Variants in TNNT3 observed in about 807,000 individuals in gnomAD.
TNNT3 encodes the protein troponin T, fast skeletal muscle.
A neutral mutation model predicts 54.2 loss-of-function variants in TNNT3; 36 were observed. That is an observed-to-expected ratio of 0.66 (90% confidence interval 0.51 to 0.88). The LOEUF is 0.88. TNNT3 is among the 40% of genes least tolerant of loss of function. The probability of loss-of-function intolerance (pLI) is 0.00; values close to 1 mark genes in which losing one functional copy is unlikely to be tolerated. For missense variants in TNNT3, 291 were observed against 331.6 expected (o/e 0.88, Z 0.95); for synonymous variants, 120 against 109.7 (o/e 1.09, Z -0.59).
At chr11:1,933,400 G>A (rs1009056330) in intron 9 of TNNT3, among the ~76,000 whole-genome samples, 3 of 152,062 alleles carry the variant, frequency 2.0e-5, no homozygotes, top group East Asian at 3.9e-4. Flanking sequence ...TCTCTGCCAG[G>A]CCCATGCAGG....
intron 15 of TNNT3, among the ~76,000 whole-genome samples, chr11:1,938,017 G>A (rs984838626): frequency 2.0e-5 from 3 of 152,194 alleles, no homozygotes; most frequent in African/African-American, 7.2e-5. Flanking sequence ...CTCCCGGCTC[G>A]TGGCCACATG....
chr11:1,929,039 C>T, intron 6 of TNNT3, 81 bp from the exon 7 acceptor site: 5 of 1,539,008 alleles, frequency 3.2e-6, no homozygotes, highest in Non-Finnish European at 4.5e-6. Context: ...TTGCCCGCCA[C>T]AGGCCCCTTG....
intron 5 of TNNT3, 76 bp from the exon 6 acceptor site, chr11:1,926,619 C>T: frequency 1.2e-6 from 2 of 1,610,734 alleles, no homozygotes; most frequent in Non-Finnish European, 1.7e-6. Flanking sequence ...GCCCGCCCTC[C>T]TCTCTGCGCT....
intron 4 of TNNT3, 144 bp downstream of exon 4, chr11:1,923,716 T>C (rs1359819357): frequency 1.5e-6 from 1 of 679,508 alleles, no homozygotes; most frequent in African/African-American, 1.8e-5. Context: ...TTCCTCATCA[T>C]TAGTCACTAA....
chr11:1,935,180 C>G (rs1265003098), intron 14 of TNNT3: 2 of 570,684 alleles, frequency 3.5e-6, no homozygotes, highest in Non-Finnish European at 6.3e-6. Flanking sequence ...TTGGTTACCC[C>G]TGCCAAAAGG....
intron 15 of TNNT3, among the ~76,000 whole-genome samples, chr11:1,937,534 G>A (rs1248195340): frequency 6.6e-6 from 1 of 152,180 alleles, no homozygotes; most frequent in East Asian, 1.9e-4. Context: ...CCTTGACACA[G>A]CTACTCGACC....
chr11:1,926,607 C>A (rs1005882967), intron 5 of TNNT3, 88 bp from the exon 6 acceptor site: 2 of 1,609,698 alleles, frequency 1.2e-6, no homozygotes, highest in Admixed American at 3.3e-5. Flanking sequence ...CGCCTCGGCC[C>A]TGCCCGCCCT....
intron 14 of TNNT3, 85 bp downstream of exon 14, chr11:1,935,004 T>A: frequency 7.6e-7 from 1 of 1,323,172 alleles, no homozygotes; most frequent in Non-Finnish European, 1.1e-6. Context: ...CCTACCAAAC[T>A]CTGGACCTGC....
chr11:1,930,412 C>G (rs991493571), intron 8 of TNNT3, among the ~76,000 whole-genome samples: 1 of 152,176 alleles, frequency 6.6e-6, no homozygotes, highest in Non-Finnish European at 1.5e-5. Flanking sequence ...ACACCTTGAC[C>G]GTGTCCAGAA....
Position 1,926,706 on chromosome 11 carries a change from G to A in TNNT3, c.79G>A (p.Glu27Lys). The A allele has an allele frequency of 6.2e-7, 1 of 1,613,336 alleles. No homozygotes were observed. Residue 27 changes from glutamate (E) to lysine (K), a missense_variant, in exon 6 of 16, where the codon GAA (glutamate) becomes AAA (lysine). Transcript: ENST00000278317. ...CGCTGCTTCTGCAGAGGAAGTTCAA[G>A]AAGGTACGCCGGCGCTCCCCCGCCT... ...EEAQEEEEVQ[E>K]DTAEEDAEEE...
At chr11:1,932,546 A>C in intron 9 of TNNT3, 32 bp downstream of exon 9, 1 of 1,611,080 alleles carries the variant, frequency 6.2e-7, no homozygotes, top group Non-Finnish European at 8.5e-7. Flanking sequence ...TAACATGTCC[A>C]CGGTTTCCCC....
At chr11:1,922,752 C>T (rs949099622) in intron 1 of TNNT3, 105 bp from the exon 2 acceptor site, 37 of 1,158,504 alleles carry the variant, frequency 3.2e-5, no homozygotes, top group African/African-American at 4.6e-5. Flanking sequence ...GCCCGCGGTC[C>T]CCCACAGCGC....
At chr11:1,935,060 C>T in intron 14 of TNNT3, 141 bp downstream of exon 14, 1 of 803,476 alleles carries the variant, frequency 1.2e-6, no homozygotes, top group Admixed American at 1.9e-5. Flanking sequence ...AGGCTGTTGC[C>T]ACGGACCCCT....
At chr11:1,936,410 C>CGGGGGCT (rs775272104) in intron 14 of TNNT3, among the ~76,000 whole-genome samples, 188 of 152,316 alleles carry the variant, frequency 1.2e-3, no homozygotes, top group Non-Finnish European at 2.1e-3. Flanking sequence ...TGCCTGCAGC[C>CGGGGGCT]GGGGGCTTCC....
chr11:1,924,860 G>C, intron 4 of TNNT3: 1 of 627,472 alleles, frequency 1.6e-6, no homozygotes, highest in Non-Finnish European at 2.9e-6. Flanking sequence ...CCTCTCAGGG[G>C]CCGGGCCCAG....
chr11:1,923,196 A>G, intron 3 of TNNT3, 135 bp downstream of exon 3: 3 of 1,300,290 alleles, frequency 2.3e-6, no homozygotes, highest in African/African-American at 2.9e-5. Context: ...GTGGCTTCTG[A>G]GTGACCCCCG....
intron 15 of TNNT3, 122 bp downstream of exon 15, chr11:1,937,125 C>CCCGGCCAGG: frequency 9.4e-7 from 1 of 1,058,778 alleles, no homozygotes; most frequent in Non-Finnish European, 1.4e-6. Context: ...ACGAGACTAA[C>CCCGGCCAGG]CCGGCCAGGC....
chr11:1,938,092 G>A (rs896363323), intron 15 of TNNT3: 33 of 360,332 alleles, frequency 9.2e-5, no homozygotes, highest in African/African-American at 6.8e-4. Flanking sequence ...AGGGGCATGA[G>A]CTCTTTCAAG....
intron 12 of TNNT3, 49 bp downstream of exon 12, chr11:1,934,494 G>T (rs764032563): frequency 2.5e-6 from 4 of 1,607,320 alleles, no homozygotes; most frequent in South Asian, 1.1e-5. Context: ...TGTGGGCTAC[G>T]CCCTGTGCCC....
Sources: gnomAD v4.1 joint callset for allele counts (sites outside exome capture counted in the v4.1 genomes callset) on GRCh38, gnomAD v4.1.1 for gene constraint, MANE v1.5 for transcripts, NCBI Gene and HGNC (gene_info 2026-07-23, HGNC 2026-07-21) for gene names.